ATP8B4: variants seen among roughly 807,000 people sequenced by gnomAD.
ATP8B4 encodes probable phospholipid-transporting ATPase IM.
Under a neutral mutation model 145.6 loss-of-function variants are expected in ATP8B4, and 133 were observed. The ratio of observed to expected loss-of-function variants is 0.91; its 90% CI spans 0.79 to 1.05. The LOEUF (loss-of-function observed/expected upper bound fraction) is 1.05, where lower values mean the gene tolerates loss of function less well. Among genes scored for constraint, ATP8B4 ranks in the 50% least tolerant of loss-of-function variants. The probability of loss-of-function intolerance (pLI) is 0.00; values close to 1 mark genes in which losing one functional copy is unlikely to be tolerated. For synonymous variants in ATP8B4, 507 were observed against 492.9 expected (o/e 1.03, Z -0.38); for missense variants, 1,458 against 1,425.2 (o/e 1.02, Z -0.37).
chr15:49,972,950 CAG>C (rs1388381799), intron 12 of ATP8B4, among the ~76,000 whole-genome samples, 160 bp from the exon 13 acceptor site: 3 of 152,184 alleles, frequency 2.0e-5, no homozygotes, highest in Admixed American at 6.5e-5. Context: ...AGCTTCTCAA[CAG>C]AGTCTGTTTA....
chr15:49,897,964 G>A (rs2037594366), intron 22 of ATP8B4, 104 bp downstream of exon 22: 1 of 1,285,522 alleles, frequency 7.8e-7, no homozygotes, highest in Non-Finnish European at 1.1e-6. Context: ...TAGAATCACT[G>A]GCAAAATTAA....
At chr15:50,169,558 C>T (rs944072957) in intron 1 of ATP8B4, among the ~76,000 whole-genome samples, 4 of 152,208 alleles carry the variant, frequency 2.6e-5, no homozygotes, top group African/African-American at 9.6e-5. Context: ...TTCCCTCTGA[C>T]AGAGCCTACC....
intron 16 of ATP8B4, among the ~76,000 whole-genome samples, chr15:49,930,080 G>A (rs945128746): frequency 1.3e-5 from 2 of 152,082 alleles, no homozygotes; most frequent in African/African-American, 2.4e-5. Context: ...ATAGTTGTGG[G>A]CTGAAGGAAG....
chr15:49,948,025 A>C (rs993048524), intron 14 of ATP8B4, among the ~76,000 whole-genome samples: 1 of 152,214 alleles, frequency 6.6e-6, no homozygotes, highest in East Asian at 1.9e-4. Flanking sequence ...TCCTAGAAGA[A>C]AATATGGAAG....
chr15:49,930,929 T>C (rs2041195660), intron 16 of ATP8B4, among the ~76,000 whole-genome samples, 190 bp downstream of exon 16: 1 of 152,052 alleles, frequency 6.6e-6, no homozygotes, highest in South Asian at 2.1e-4. Flanking sequence ...GGGCACATAA[T>C]GAGCACTTGA....
At chr15:50,058,344 A>G (rs1567281046) in intron 3 of ATP8B4, among the ~76,000 whole-genome samples, 1 of 152,166 alleles carries the variant, frequency 6.6e-6, no homozygotes, top group Non-Finnish European at 1.5e-5. Flanking sequence ...ACTTTGGACA[A>G]CTTAGTGCAG....
At chr15:49,960,033 GTT>G (rs34520441) in intron 14 of ATP8B4, among the ~76,000 whole-genome samples, 2 of 139,456 alleles carry the variant, frequency 1.4e-5, no homozygotes, top group Non-Finnish European at 1.5e-5. Flanking sequence ...AATTTTTTTG[GTT>G]TTTTTTTTTT....
At chr15:49,902,824 G>A (rs1207251185) in intron 20 of ATP8B4, among the ~76,000 whole-genome samples, 1 of 152,188 alleles carries the variant, frequency 6.6e-6, no homozygotes, top group Non-Finnish European at 1.5e-5. Context: ...CAATGTTGCA[G>A]AGCTCATAAA....
intron 8 of ATP8B4, among the ~76,000 whole-genome samples, chr15:50,001,884 C>T (rs2047919945): frequency 6.6e-6 from 1 of 152,060 alleles, no homozygotes; most frequent in South Asian, 2.1e-4. Flanking sequence ...CAAGCAAAAA[C>T]TTTTTTTAAA....
At chr15:50,129,220 T>G (rs1360081511) in intron 1 of ATP8B4, among the ~76,000 whole-genome samples, 1 of 152,144 alleles carries the variant, frequency 6.6e-6, no homozygotes, top group Non-Finnish European at 1.5e-5. Flanking sequence ...CAAATTCATA[T>G]CAAGAACGCT....
rs1270653866 is a variant in ATP8B4, at chr15:50,047,481, A to G, written c.88-17T>C. 2 of 1,448,946 alleles carry G rather than the reference A, an allele frequency of 1.4e-6. No individual in the cohort carries two copies. The highest frequency in any genetic ancestry group is 1.9e-6 in the Non-Finnish European group (2 of 1,030,374). The allele number at this position is 1,448,946 out of a possible 1,614,324, so 89.8% of individuals were successfully genotyped here. On this transcript the variant is annotated splice_polypyrimidine_tract_variant and intron_variant, in intron 3 of 27. Coordinates refer to ENST00000284509, the MANE Select transcript of ATP8B4 (RefSeq NM_024837.4). ...ACGATTATCCTGGAAAAGAAATAGC[A>G]TCATGTTAGTTTGGGGCAAGGCATT...
intron 1 of ATP8B4, among the ~76,000 whole-genome samples, chr15:50,151,815 GA>G (rs2044351955): frequency 6.8e-6 from 1 of 147,908 alleles, no homozygotes; most frequent in Non-Finnish European, 1.5e-5. Flanking sequence ...ATTGCCATAA[GA>G]AAACTTATGA....
At chr15:50,110,909 T>G (rs942654293) in intron 1 of ATP8B4, among the ~76,000 whole-genome samples, 1 of 70,254 alleles carries the variant, frequency 1.4e-5, no homozygotes, top group African/African-American at 6.8e-5. Flanking sequence ...CCATAAATAC[T>G]TTTTTTTTTT....
At chr15:49,974,679 TTTG>T (rs1218071185) in intron 12 of ATP8B4, among the ~76,000 whole-genome samples, 2 of 152,198 alleles carry the variant, frequency 1.3e-5, no homozygotes, top group Non-Finnish European at 2.9e-5. Context: ...TACATTTTTC[TTTG>T]TTTTTATTGA....
intron 3 of ATP8B4, among the ~76,000 whole-genome samples, chr15:50,056,436 GAAC>G: frequency 6.6e-6 from 1 of 152,082 alleles, no homozygotes; most frequent in East Asian, 1.9e-4. Flanking sequence ...CAAAAACAAT[GAAC>G]AATAGAGCAA....
intron 2 of ATP8B4, among the ~76,000 whole-genome samples, chr15:50,093,325 A>T (rs958933390): frequency 6.6e-6 from 1 of 152,106 alleles, no homozygotes; most frequent in Non-Finnish European, 1.5e-5. Flanking sequence ...CATGTTATTT[A>T]TTACTGTTGC....
intron 13 of ATP8B4, among the ~76,000 whole-genome samples, chr15:49,964,312 A>T (rs1278927413): frequency 6.6e-6 from 1 of 152,158 alleles, no homozygotes; most frequent in Non-Finnish European, 1.5e-5. Flanking sequence ...TCACTGTAAT[A>T]AAATGATGGA....
At chr15:49,961,082 G>A (rs1050048211) in intron 14 of ATP8B4, among the ~76,000 whole-genome samples, 8 of 151,392 alleles carry the variant, frequency 5.3e-5, no homozygotes, top group Non-Finnish European at 1.0e-4. Flanking sequence ...GCAGTGAGCC[G>A]AGATTGCGCC....
At chr15:49,953,114 C>A (rs988515294) in intron 14 of ATP8B4, among the ~76,000 whole-genome samples, 18 of 152,220 alleles carry the variant, frequency 1.2e-4, no homozygotes, top group Non-Finnish European at 1.5e-5. Context: ...CCTCGAGGGG[C>A]ACCAACCTGA....
Sources: allele counts gnomAD v4.1 joint callset (sites outside exome capture counted in the v4.1 genomes callset), GRCh38; gene constraint gnomAD v4.1.1; transcripts MANE v1.5; gene names NCBI Gene and HGNC (gene_info 2026-07-23, HGNC 2026-07-21).